The following RALGPS2 variants were observed in gnomAD, a reference collection of about 807,000 sequenced individuals.
RALGPS2 encodes the protein Ral GEF with PH domain and SH3 binding motif 2, also known as ras-specific guanine nucleotide-releasing factor RalGPS2.
RALGPS2 carries 43 observed loss-of-function variants against 86.8 expected under a neutral mutation model. That is an observed-to-expected ratio of 0.50 (90% CI 0.39 to 0.64). RALGPS2 has a LOEUF of 0.64. Among genes scored for constraint, RALGPS2 ranks in the 30% least tolerant of loss-of-function variants. RALGPS2 has a pLI of 0.00. For missense variants in RALGPS2, 536 were observed against 694.6 expected, an observed-to-expected ratio of 0.77 and a Z score of 2.57; for synonymous variants, 243 against 231.3, an observed-to-expected ratio of 1.05 and a Z score of -0.46.
At chr1:178,823,252 A>G (rs1434905209) in intron 7 of RALGPS2, among the ~76,000 whole-genome samples, 1 of 152,136 alleles carries the variant, frequency 6.6e-6, no homozygotes, top group African/African-American at 2.4e-5. Context: ...TTATTTGGTA[A>G]CAGCTTCATT....
intron 1 of RALGPS2, among the ~76,000 whole-genome samples, chr1:178,733,483 TA>T (rs1650511468): frequency 6.6e-6 from 1 of 152,238 alleles, no homozygotes; most frequent in African/African-American, 2.4e-5. Flanking sequence ...ACATAATTTT[TA>T]GAAAACCGCA....
intron 4 of RALGPS2, among the ~76,000 whole-genome samples, chr1:178,795,077 G>A (rs1361854677): frequency 2.0e-5 from 3 of 151,884 alleles, no homozygotes. Context: ...CTACTCGGGA[G>A]GCTGATACAC....
intron 8 of RALGPS2, among the ~76,000 whole-genome samples, chr1:178,859,508 A>G (rs995286177): frequency 6.1e-5 from 9 of 147,042 alleles, no homozygotes; most frequent in South Asian, 2.2e-4. Flanking sequence ...AGTTCAAGCA[A>G]TTTTCCTGCC....
Position 178,885,272 on chromosome 1 carries a change from G to T in RALGPS2, c.1040+61G>T. The T allele has an allele frequency of 2.7e-6, 4 of 1,495,812 alleles. No homozygotes were observed. In the South Asian group the frequency reaches 3.7e-5, roughly 14 times the overall value. 92.7% of individuals were successfully genotyped at this position (1,495,812 alleles called of 1,614,324 possible). Reference sequence around the variant, plus strand: ...GTCTTTTGTAATTGGATTTATTGTCGATTTATTAGTTCAGTAGAAAATGGT... The same window carrying T: ...GTCTTTTGTAATTGGATTTATTGTCTATTTATTAGTTCAGTAGAAAATGGT... On this transcript the variant is annotated intron_variant, in intron 12 of 19. Transcript: ENST00000367635.
At chr1:178,788,818 C>G (rs903566446) in intron 4 of RALGPS2, among the ~76,000 whole-genome samples, 10 of 141,934 alleles carry the variant, frequency 7.0e-5, no homozygotes, top group African/African-American at 1.6e-4. Context: ...CTTTTCTTTT[C>G]TTTTCTTTTG....
chr1:178,840,146 C>T (rs2102265722), intron 8 of RALGPS2, among the ~76,000 whole-genome samples: 1 of 152,230 alleles, frequency 6.6e-6, no homozygotes, highest in African/African-American at 2.4e-5. Context: ...CTGCACCAAG[C>T]AGACCTAATA....
intron 1 of RALGPS2, among the ~76,000 whole-genome samples, chr1:178,773,120 T>C (rs1243575713): frequency 6.6e-6 from 1 of 152,220 alleles, no homozygotes; most frequent in Non-Finnish European, 1.5e-5. Context: ...AACTTTTCTT[T>C]ACACTTTGAG....
chr1:178,860,194 A>G lies in RALGPS2; in HGVS notation c.608-17304A>G, dbSNP rs1175217422. On this transcript the variant is annotated intron_variant, in intron 8 of 19. Coordinates refer to ENST00000367635, the MANE Select transcript of RALGPS2 (RefSeq NM_152663.5). ...ATTTGTAAAAGAGTAATTTTTTTTA[A>G]TAAAAGACTAACCCAAAATGCAGGC... 7.2e-5 allele frequency among the ~76,000 whole-genome samples: 11 copies of G among 152,238 alleles called. No homozygotes were observed. In the South Asian group the frequency reaches 1.7e-3, roughly 23 times the overall value.
At chr1:178,824,562 A>G (rs973373039) in intron 7 of RALGPS2, among the ~76,000 whole-genome samples, 1 of 152,128 alleles carries the variant, frequency 6.6e-6, no homozygotes, top group African/African-American at 2.4e-5. Flanking sequence ...TAACTCCAGC[A>G]CTTTGGGAGG....
intron 1 of RALGPS2, among the ~76,000 whole-genome samples, chr1:178,767,862 G>C (rs1652591601): frequency 6.6e-6 from 1 of 152,160 alleles, no homozygotes; most frequent in Admixed American, 6.5e-5. Context: ...AGGTGGGTGG[G>C]GATGCCCGCC....
intron 8 of RALGPS2, chr1:178,852,783 T>C: frequency 6.2e-7 from 1 of 1,613,954 alleles, no homozygotes; most frequent in Non-Finnish European, 8.5e-7. Context: ...CCAGGCGCAG[T>C]CTATAGAATT....
At chr1:178,752,316 A>T (rs1651721960) in intron 1 of RALGPS2, among the ~76,000 whole-genome samples, 2 of 127,328 alleles carry the variant, frequency 1.6e-5, no homozygotes, top group Middle Eastern at 3.9e-3. Flanking sequence ...GCTAATTTTT[A>T]ATTTTTTTTT....
intron 8 of RALGPS2, chr1:178,853,300 A>G: frequency 1.2e-6 from 1 of 823,966 alleles, no homozygotes; most frequent in Non-Finnish European, 1.5e-6. Context: ...TCTCATATTC[A>G]TCTAAAGAGC....
chr1:178,765,658 A>G lies in RALGPS2; in HGVS notation c.-83-11024A>G, dbSNP rs187746228. Among the ~76,000 whole-genome samples, 3 of 152,312 alleles carry G rather than the reference A, an allele frequency of 2.0e-5. No homozygotes were observed. The East Asian group carries it at 5.8e-4, about 29-fold the overall frequency. ...TATTAGGCGGGAATTTCCTTTTCCT[A>G]ATAAGCCTGAGAGCGCTATGGGAGA... On this transcript the variant is annotated intron_variant, in intron 1 of 19. Transcript: ENST00000367635.
intron 8 of RALGPS2, among the ~76,000 whole-genome samples, chr1:178,876,982 T>C (rs1659034020): frequency 6.6e-6 from 1 of 152,158 alleles, no homozygotes; most frequent in Non-Finnish European, 1.5e-5. Flanking sequence ...AGCTATCAAC[T>C]CAAGGCAAGA....
At chr1:178,889,273 G>A (rs1351054092) in intron 13 of RALGPS2, among the ~76,000 whole-genome samples, 3 of 151,846 alleles carry the variant, frequency 2.0e-5, no homozygotes, top group African/African-American at 2.4e-5. Context: ...GCCATGAATC[G>A]TCAAGGATTT....
chr1:178,788,937 T>C (rs147629745), intron 4 of RALGPS2, among the ~76,000 whole-genome samples: 2 of 151,512 alleles, frequency 1.3e-5, no homozygotes, highest in African/African-American at 4.9e-5. Flanking sequence ...AATCTTGCTC[T>C]GTCACCCAGG....
chr1:178,908,549 T>C (rs947825153), intron 19 of RALGPS2, among the ~76,000 whole-genome samples: 2 of 152,216 alleles, frequency 1.3e-5, no homozygotes, highest in African/African-American at 4.8e-5. Flanking sequence ...ACCAAGTGTA[T>C]AAGCATTCCC....
intron 8 of RALGPS2, among the ~76,000 whole-genome samples, chr1:178,863,798 T>G (rs148909470): frequency 2.6e-5 from 4 of 152,252 alleles, no homozygotes; most frequent in African/African-American, 7.2e-5. Flanking sequence ...AGGAAGAATA[T>G]TAAAATGTAG....
Sources: gnomAD v4.1 joint callset for allele counts (sites outside exome capture counted in the v4.1 genomes callset) on GRCh38, gnomAD v4.1.1 for gene constraint, MANE v1.5 for transcripts, NCBI Gene and HGNC (gene_info 2026-07-23, HGNC 2026-07-21) for gene names.